Variants in NLRP7 observed in about 807,000 individuals in gnomAD.
NLRP7 encodes the protein NACHT, LRR and PYD domains-containing protein 7.
A neutral mutation model predicts 85.5 loss-of-function variants in NLRP7; 72 were observed. That is an observed-to-expected ratio of 0.84 (90% CI 0.70 to 1.02). The LOEUF is 1.02. Ranked by LOEUF, NLRP7 falls within the 50% of genes least tolerant of loss-of-function variation. NLRP7 has a pLI of 0.00. For synonymous variants in NLRP7, 550 were observed against 505.2 expected, an observed-to-expected ratio of 1.09 and a Z score of -1.19; for missense variants, 1,243 against 1,219.5, an observed-to-expected ratio of 1.02 and a Z score of -0.29.
chr19:54,929,552 T>C (rs1031718097), intron 9 of NLRP7, among the ~76,000 whole-genome samples: 6 of 152,048 alleles, frequency 3.9e-5, no homozygotes, highest in African/African-American at 1.2e-4. Context: ...GCCATTCCAT[T>C]TGTGGAGACT....
upstream of NLRP7, among the ~76,000 whole-genome samples, chr19:54,952,408 C>A (rs552578353): frequency 6.6e-6 from 1 of 152,102 alleles, no homozygotes; most frequent in Admixed American, 6.6e-5. Context: ...GCCTGGCCAA[C>A]ATAGTGAAAC....
chr19:54,948,701 C>G (rs1432076115), upstream of NLRP7, among the ~76,000 whole-genome samples: 1 of 152,104 alleles, frequency 6.6e-6, no homozygotes, highest in Non-Finnish European at 1.5e-5. Flanking sequence ...TCCCAAGTAG[C>G]TGGGACTGCA....
At chr19:54,959,592 C>G (rs1179256365) in intron 1 of NLRP7, among the ~76,000 whole-genome samples, 1 of 151,666 alleles carries the variant, frequency 6.6e-6, no homozygotes, top group Non-Finnish European at 1.5e-5. Context: ...GTGGGAGGAT[C>G]CCTTGAGCCC....
chr19:54,962,724 C>G (rs1414888299), intron 1 of NLRP7, among the ~76,000 whole-genome samples: 3 of 150,126 alleles, frequency 2.0e-5, no homozygotes, highest in Non-Finnish European at 4.5e-5. Flanking sequence ...CTCAGCCTCC[C>G]GAGTAGCTGG....
At chr19:54,960,162 G>A (rs1002438786) in intron 1 of NLRP7, among the ~76,000 whole-genome samples, 17 of 151,690 alleles carry the variant, frequency 1.1e-4, no homozygotes, top group African/African-American at 3.6e-4. Context: ...TGTTTCTTTC[G>A]TTTTGTTTTT....
At chr19:54,959,707 A>T (rs1460825944) in intron 1 of NLRP7, among the ~76,000 whole-genome samples, 3 of 151,880 alleles carry the variant, frequency 2.0e-5, no homozygotes, top group Non-Finnish European at 2.9e-5. Flanking sequence ...TACAAAAAAT[A>T]AAAAAATTAA....
At chr19:54,930,616 G>A (rs775039016) in exon 9 of NLRP7, 9 of 1,611,696 alleles carry the variant, frequency 5.6e-6, no homozygotes, top group East Asian at 2.2e-5. Context: ...TTCTTGGAGC[G>A]CCTCTGAGAG....
intron 3 of NLRP7, 61 bp downstream of exon 3, chr19:54,940,870 G>T: frequency 2.1e-6 from 2 of 975,100 alleles, no homozygotes; most frequent in Non-Finnish European, 3.3e-6. Context: ...CCAGGAAGAA[G>T]TGATGCACCT....
At chr19:54,939,229 T>C (rs781379110) in exon 4 of NLRP7, 1 of 1,614,110 alleles carries the variant, frequency 6.2e-7, no homozygotes, top group African/African-American at 1.3e-5. Context: ...ACTCCTTGGC[T>C]CTCTTCTCGT....
In NLRP7 at chr19:54,940,403, CA is replaced by C; in HGVS notation, c.415del (p.Trp139GlyfsTer14). Reference sequence around the variant, plus strand: ...ATGGAAATTGTCAATGTCTCCTTGCCAAAAGGTGTTCTTCCAGACCAAAGAC... The same window carrying C: ...ATGGAAATTGTCAATGTCTCCTTGCCAAAGGTGTTCTTCCAGACCAAAGAC... On this transcript the variant is annotated frameshift_variant, in exon 4 of 10. Coordinates refer to ENST00000340844, the Ensembl canonical transcript of NLRP7. LOFTEE classifies it high-confidence loss of function. 1 of 1,614,068 alleles carries C rather than the reference CA, an allele frequency of 6.2e-7. No homozygotes were observed. Among genetic ancestry groups the C allele is most frequent in the Non-Finnish European group, 8.5e-7 (1 of 1,179,924 alleles).
intron 9 of NLRP7, among the ~76,000 whole-genome samples, chr19:54,928,025 C>T (rs1411897098): frequency 2.0e-5 from 3 of 152,150 alleles, no homozygotes; most frequent in African/African-American, 4.8e-5. Flanking sequence ...GTCAGGAGTT[C>T]GAGACCAGCC....
chr19:54,928,151 C>G lies in NLRP7; in HGVS notation c.2810+2348G>C, dbSNP rs540670601. Reference sequence around the variant, plus strand: ...ACAAGAATCGCTTCAGCCTGGGAGGCGGAGGTTACAGTGAGCCCAGATTGC... The same window carrying G: ...ACAAGAATCGCTTCAGCCTGGGAGGGGGAGGTTACAGTGAGCCCAGATTGC... On this transcript the variant is annotated intron_variant, in intron 9 of 9. Coordinates refer to ENST00000340844, the Ensembl canonical transcript of NLRP7. 8.5e-5 allele frequency among the ~76,000 whole-genome samples: 13 copies of G among 152,134 alleles called. No individual in the cohort carries two copies. The South Asian group carries it at 2.5e-3, about 29-fold the overall frequency.
intron 1 of NLRP7, among the ~76,000 whole-genome samples, chr19:54,958,715 C>T (rs1016248319): frequency 4.6e-5 from 7 of 151,982 alleles, no homozygotes; most frequent in Non-Finnish European, 8.8e-5. Context: ...TGTAGCAGGA[C>T]GAGCCACAGA....
At chr19:54,943,794 A>AT (rs2069348227) in intron 1 of NLRP7, among the ~76,000 whole-genome samples, 1 of 152,168 alleles carries the variant, frequency 6.6e-6, no homozygotes, top group Non-Finnish European at 1.5e-5. Flanking sequence ...AGAAATAGAC[A>AT]TAAGAGACTC....
chr19:54,939,873 G>A (rs747122015), exon 4 of NLRP7: 1 of 1,614,010 alleles, frequency 6.2e-7, no homozygotes, highest in Non-Finnish European at 8.5e-7. Flanking sequence ...ACGTAGATCG[G>A]CTGCTGCGCC....
intron 4 of NLRP7, 65 bp downstream of exon 4, chr19:54,938,823 G>A (rs2069061317): frequency 6.4e-7 from 1 of 1,568,414 alleles, no homozygotes; most frequent in Non-Finnish European, 8.7e-7. Flanking sequence ...CTGACAGTAA[G>A]CGACAGGGCA....
intron 1 of NLRP7, among the ~76,000 whole-genome samples, chr19:54,945,572 G>A (rs935829270): frequency 6.6e-6 from 1 of 151,364 alleles, no homozygotes; most frequent in Non-Finnish European, 1.5e-5. Context: ...GCCTGGCCAA[G>A]TATTTTTTTT....
intron 1 of NLRP7, among the ~76,000 whole-genome samples, chr19:54,954,049 A>G (rs1250795461): frequency 1.4e-5 from 2 of 146,874 alleles, no homozygotes; most frequent in African/African-American, 5.2e-5. Context: ...GCATCCAGTC[A>G]AACTCCATCA....
At chr19:54,936,955 G>A (rs2068956428) in intron 5 of NLRP7, among the ~76,000 whole-genome samples, 1 of 151,830 alleles carries the variant, frequency 6.6e-6, no homozygotes, top group African/African-American at 2.4e-5. Flanking sequence ...GCTCACGCCT[G>A]TAATCCCAGC....
Sources: allele counts gnomAD v4.1 joint callset (sites outside exome capture counted in the v4.1 genomes callset), GRCh38; gene constraint gnomAD v4.1.1; transcripts MANE v1.5; gene names NCBI Gene and HGNC (gene_info 2026-07-23, HGNC 2026-07-21).